ADAMTS19: variants seen among roughly 807,000 people sequenced by gnomAD.
ADAMTS19 encodes the protein A disintegrin and metalloproteinase with thrombospondin motifs 19.
A neutral mutation model predicts 153.3 loss-of-function variants in ADAMTS19; 93 were observed. That is an observed-to-expected ratio of 0.61 (90% CI 0.51 to 0.72). ADAMTS19 has a LOEUF of 0.72. ADAMTS19 is among the 30% of genes least tolerant of loss of function. ADAMTS19 has a pLI of 0.00. For missense variants in ADAMTS19, 1,482 were observed against 1,552.1 expected, an observed-to-expected ratio of 0.95 and a Z score of 0.76; for synonymous variants, 600 against 556.6, an observed-to-expected ratio of 1.08 and a Z score of -1.10.
chr5:129,676,517 C>A (rs1754558769), intron 16 of ADAMTS19, among the ~76,000 whole-genome samples: 1 of 151,988 alleles, frequency 6.6e-6, no homozygotes, highest in Non-Finnish European at 1.5e-5. Context: ...GTCAGGGGGT[C>A]TGGTAAATAT....
chr5:129,622,147 T>C (rs1561608854), intron 9 of ADAMTS19, 51 bp from the exon 10 acceptor site: 2 of 1,596,744 alleles, frequency 1.3e-6, no homozygotes, highest in Non-Finnish European at 1.7e-6. Flanking sequence ...ACCAATCATA[T>C]CAGCTTTTTA....
chr5:129,728,489 CT>C (rs1385295389), intron 21 of ADAMTS19, among the ~76,000 whole-genome samples: 1 of 151,984 alleles, frequency 6.6e-6, no homozygotes, highest in Non-Finnish European at 1.5e-5. Flanking sequence ...TCTTAATTAC[CT>C]TGCTTTCACT....
chr5:129,620,018 T>C (rs1338360631), intron 8 of ADAMTS19, among the ~76,000 whole-genome samples: 2 of 151,968 alleles, frequency 1.3e-5, no homozygotes, highest in Admixed American at 6.6e-5. Flanking sequence ...ACGTACTAAA[T>C]TGAAGGTATT....
At chr5:129,570,777 A>G (rs979130739) in intron 7 of ADAMTS19, among the ~76,000 whole-genome samples, 7 of 151,948 alleles carry the variant, frequency 4.6e-5, no homozygotes, top group African/African-American at 1.7e-4. Flanking sequence ...TTGAAAATCA[A>G]TCCATGCAAT....
At chr5:129,581,467 T>A (rs1426913533) in intron 7 of ADAMTS19, among the ~76,000 whole-genome samples, 1 of 152,130 alleles carries the variant, frequency 6.6e-6, no homozygotes, top group Non-Finnish European at 1.5e-5. Context: ...CATTTTTTAT[T>A]GTGTCTATTT....
At chr5:129,669,035 A>T (rs1392709698) in intron 16 of ADAMTS19, among the ~76,000 whole-genome samples, 8 of 152,016 alleles carry the variant, frequency 5.3e-5, no homozygotes, top group Admixed American at 4.6e-4. Flanking sequence ...TGGCATAAAG[A>T]CAGACATCTA....
intron 2 of ADAMTS19, among the ~76,000 whole-genome samples, chr5:129,472,484 C>T (rs918044623): frequency 2.6e-5 from 4 of 152,184 alleles, no homozygotes; most frequent in African/African-American, 7.2e-5. Flanking sequence ...GAAACCGACT[C>T]AGATGCTAGT....
intron 8 of ADAMTS19, among the ~76,000 whole-genome samples, chr5:129,599,511 A>G (rs533795905): frequency 2.6e-5 from 4 of 152,316 alleles, no homozygotes; most frequent in South Asian, 4.1e-4. Context: ...TTTAAAAAGT[A>G]TATTTTTAAA....
chr5:129,716,059 T>A (rs74863349), intron 21 of ADAMTS19, among the ~76,000 whole-genome samples: 2,946 of 152,218 alleles, frequency 0.019, 84 homozygotes, highest in African/African-American at 0.065. Context: ...AAAGTATTTT[T>A]AAAAATATTC....
intron 2 of ADAMTS19, among the ~76,000 whole-genome samples, chr5:129,492,768 T>C (rs955670992): frequency 6.6e-6 from 1 of 152,150 alleles, no homozygotes; most frequent in Admixed American, 6.5e-5. Context: ...TTAAAGAAAC[T>C]TATCACACAC....
At chr5:129,588,430 CTG>C (rs1442907337) in intron 7 of ADAMTS19, among the ~76,000 whole-genome samples, 1 of 151,750 alleles carries the variant, frequency 6.6e-6, no homozygotes, top group Non-Finnish European at 1.5e-5. Context: ...TTGTTAAAGT[CTG>C]TGTGTGTGTG....
intron 10 of ADAMTS19, among the ~76,000 whole-genome samples, chr5:129,626,143 T>C (rs1409291802): frequency 6.6e-6 from 1 of 152,142 alleles, no homozygotes; most frequent in Non-Finnish European, 1.5e-5. Flanking sequence ...TTCTTATACC[T>C]ATTAACAGAG....
chr5:129,562,870 C>T (rs1197689417), intron 7 of ADAMTS19, among the ~76,000 whole-genome samples: 1 of 152,056 alleles, frequency 6.6e-6, no homozygotes, highest in African/African-American at 2.4e-5. Flanking sequence ...GTTGCTTCAA[C>T]ATCCTAACTT....
At position 129,461,029 on chromosome 5, in the gene ADAMTS19, T is replaced by C. The variant is rs116071779; in HGVS notation, c.92-73T>C. Reference sequence around the variant, plus strand: ...GCGAGCGCCCTGTATCTATGGACTGTGAGCTTGGAAATGTTTGTGCTACTG... The same window carrying C: ...GCGAGCGCCCTGTATCTATGGACTGCGAGCTTGGAAATGTTTGTGCTACTG... On this transcript the variant is annotated intron_variant, in intron 1 of 22. Transcript: ENST00000274487. The surrounding 1 kb of genome is among the most constrained non-coding windows in gnomAD (Gnocchi z 4.6). The C allele has an allele frequency of 0.026, 32,708 of 1,274,152 alleles. 517 individuals are homozygous for C. The highest frequency in any genetic ancestry group is 0.028 in the Non-Finnish European group (28,567 of 1,010,464). The allele number at this position is 1,274,152 out of a possible 1,614,324, so 78.9% of individuals were successfully genotyped here. A position where few individuals can be genotyped will look rare whatever the true frequency, so the allele number is the denominator to read the frequency against.
chr5:129,582,346 G>A (rs1749557252), intron 7 of ADAMTS19, among the ~76,000 whole-genome samples: 1 of 151,414 alleles, frequency 6.6e-6, no homozygotes, highest in Non-Finnish European at 1.5e-5. Context: ...TTACCATTAT[G>A]TAATGCCCTT....
chr5:129,688,132 G>A (rs527951945), intron 18 of ADAMTS19: 5 of 152,226 alleles, frequency 3.3e-5, no homozygotes, highest in East Asian at 1.9e-4. Context: ...TTCAAGGATC[G>A]CATCATTTCT....
intron 8 of ADAMTS19, among the ~76,000 whole-genome samples, chr5:129,619,285 T>C (rs528760163): frequency 7.7e-4 from 117 of 152,148 alleles, no homozygotes; most frequent in Admixed American, 2.0e-3. Context: ...ACTTTCCAAT[T>C]TCTCAATGTA....
chr5:129,716,670 G>T (rs572516212), intron 21 of ADAMTS19, among the ~76,000 whole-genome samples: 2 of 151,304 alleles, frequency 1.3e-5, no homozygotes, highest in African/African-American at 2.4e-5. Context: ...CACAAGTAGG[G>T]TTTTGCCTCA....
At chr5:129,663,862 T>G (rs1293370369) in intron 15 of ADAMTS19, among the ~76,000 whole-genome samples, 1 of 152,204 alleles carries the variant, frequency 6.6e-6, no homozygotes, top group African/African-American at 2.4e-5. Flanking sequence ...AATCTTCTCA[T>G]TCCATCTGAA....
Sources: allele counts gnomAD v4.1 joint callset (sites outside exome capture counted in the v4.1 genomes callset), GRCh38; gene constraint gnomAD v4.1.1; non-coding constraint Gnocchi (gnomAD v3.1); transcripts MANE v1.5; gene names NCBI Gene and HGNC (gene_info 2026-07-23, HGNC 2026-07-21).